ETV1: variants seen among roughly 807,000 people sequenced by gnomAD.
ETV1 encodes ETS variant transcription factor 1, also known as ETS translocation variant 1.
ETV1 carries 27 observed loss-of-function variants against 62.3 expected under a neutral mutation model. The observed-to-expected ratio is 0.43, with a 90% CI of 0.32 to 0.60. The LOEUF (loss-of-function observed/expected upper bound fraction) is 0.60, where lower values mean the gene tolerates loss of function less well. ETV1 is among the 20% of genes least tolerant of loss of function. ETV1 has a pLI of 0.06. For synonymous variants in ETV1, 222 were observed against 199.6 expected (o/e 1.11, Z -0.94); for missense variants, 605 against 605.8 (o/e 1.00, Z 0.01).
intron 8 of ETV1, among the ~76,000 whole-genome samples, chr7:13,932,589 A>T (rs1347543724): frequency 6.6e-6 from 1 of 152,216 alleles, no homozygotes; most frequent in Non-Finnish European, 1.5e-5. Context: ...AATGAGTCCT[A>T]TGCCTCTTTG....
chr7:13,975,579 AG>A lies in ETV1; in HGVS notation c.235+1847del, dbSNP rs759451664. On this transcript the variant is annotated intron_variant, in intron 6 of 13. Transcript: ENST00000430479. Reference sequence around the variant, plus strand: ...CTCTGTCTCAAAAAAAAAAAAAAAAAGAAAAGAAAAGAAAAAAAAAAAGGAA... The same window carrying A: ...CTCTGTCTCAAAAAAAAAAAAAAAAAAAAAGAAAAGAAAAAAAAAAAGGAA... 8.1e-3 allele frequency among the ~76,000 whole-genome samples: 983 copies of A among 120,956 alleles called. 14 individuals carry two copies. The highest frequency in any genetic ancestry group is 0.027 in the African/African-American group (931 of 33,982). The allele number at this position is 120,956 out of a possible 152,430, so 79.4% of individuals were successfully genotyped here.
intron 5 of ETV1, among the ~76,000 whole-genome samples, chr7:13,978,895 T>C (rs1353489353): frequency 1.3e-5 from 2 of 152,062 alleles, no homozygotes; most frequent in Non-Finnish European, 2.9e-5. Flanking sequence ...TTCAACTGTT[T>C]TCTAACAACT....
Position 13,931,494 on chromosome 7 carries a change from A to C in ETV1, c.802+8T>G. On this transcript the variant is annotated splice_region_variant and intron_variant, in intron 9 of 13. Coordinates refer to ENST00000430479, the MANE Select transcript of ETV1 (RefSeq NM_004956.5). ...CTTGAATGTAATTTGCGCAGAGCGCAGGCCTACCTGAGTCATATGCAAAAT... is the reference window on the plus strand; with the variant it reads ...CTTGAATGTAATTTGCGCAGAGCGCCGGCCTACCTGAGTCATATGCAAAAT... 5 of 1,613,922 alleles carry C rather than the reference A, an allele frequency of 3.1e-6. No homozygotes were observed. The highest frequency in any genetic ancestry group is 4.2e-6 in the Non-Finnish European group (5 of 1,179,830).
intron 6 of ETV1, among the ~76,000 whole-genome samples, chr7:13,953,634 G>A (rs1328258495): frequency 1.3e-5 from 2 of 150,844 alleles, no homozygotes; most frequent in South Asian, 2.1e-4. Flanking sequence ...TGGCTACTGA[G>A]TGACTATGAA....
rs761408411 is a variant in ETV1, at chr7:13,893,730, A to C, written c.*2136T>G. ...TCTCCTTCAATTTCACCAAATCTCA[A>C]TTATATATCTCAATTCCTTTTTCCA... On this transcript the variant is annotated 3_prime_UTR_variant, in exon 14 of 14. Coordinates refer to ENST00000430479, the MANE Select transcript of ETV1 (RefSeq NM_004956.5). 3.9e-5 allele frequency: 9 copies of C among 232,766 alleles called. No homozygotes were observed. Among genetic ancestry groups the C allele is most frequent in the Admixed American group, 1.1e-4 (2 of 17,770 alleles). The allele number at this position is 232,766 out of a possible 1,614,324, so 14.4% of individuals were successfully genotyped here.
chr7:13,986,573 C>A, intron 5 of ETV1, 65 bp downstream of exon 5: 2 of 1,603,738 alleles, frequency 1.2e-6, no homozygotes, highest in South Asian at 1.1e-5. Flanking sequence ...ACAGCAAGTT[C>A]AGGACTTCTT....
At chr7:13,940,988 T>C (rs1459006836) in intron 6 of ETV1, among the ~76,000 whole-genome samples, 1 of 152,210 alleles carries the variant, frequency 6.6e-6, no homozygotes, top group Non-Finnish European at 1.5e-5. Context: ...TTACCCTTGG[T>C]ACACTATTTC....
At chr7:13,901,899 G>T (rs1782473748) in intron 12 of ETV1, among the ~76,000 whole-genome samples, 1 of 152,058 alleles carries the variant, frequency 6.6e-6, no homozygotes. Context: ...ATGTGGCTTT[G>T]GAGGAGCAAT....
At chr7:13,931,861 A>G in intron 8 of ETV1, 112 bp from the exon 9 acceptor site, 1 of 1,285,132 alleles carries the variant, frequency 7.8e-7, no homozygotes, top group South Asian at 1.5e-5. Flanking sequence ...GCTGACCTGA[A>G]GCGTAAATCT....
intron 5 of ETV1, among the ~76,000 whole-genome samples, chr7:13,984,053 CAAA>C (rs2128509637): frequency 6.6e-6 from 1 of 151,814 alleles, no homozygotes; most frequent in East Asian, 1.9e-4. Context: ...TATCATTTCA[CAAA>C]TATTTGAGGA....
intron 6 of ETV1, among the ~76,000 whole-genome samples, chr7:13,941,817 C>T (rs146113436): frequency 1.4e-3 from 208 of 151,544 alleles, no homozygotes; most frequent in African/African-American, 4.7e-3. Flanking sequence ...TTGCCGAGAT[C>T]GCGGCAGTGC....
chr7:13,917,505 C>G (rs962194800), intron 9 of ETV1, among the ~76,000 whole-genome samples: 25 of 151,828 alleles, frequency 1.6e-4, no homozygotes, highest in African/African-American at 5.3e-4. Flanking sequence ...TTAGTAGAGA[C>G]AGGGTTTCAC....
Position 13,894,272 on chromosome 7 carries a change from G to A in ETV1, c.*1594C>T, listed in dbSNP as rs1781588145. The A allele has an allele frequency of 4.3e-6, 1 of 231,930 alleles. No homozygotes were observed. The highest frequency in any genetic ancestry group is 1.8e-4 in the South Asian group (1 of 5,510). 14.4% of individuals were successfully genotyped at this position (231,930 alleles called of 1,614,324 possible). On this transcript the variant is annotated 3_prime_UTR_variant, in exon 14 of 14. Transcript: ENST00000430479. Reference sequence around the variant, plus strand: ...CTTGAATCTTTTAGCGAGCTATTCAGAGATTCTATATCCCCATTTACTCAT... The same window carrying A: ...CTTGAATCTTTTAGCGAGCTATTCAAAGATTCTATATCCCCATTTACTCAT...
chr7:13,902,248 A>C (rs1289166791), intron 12 of ETV1, among the ~76,000 whole-genome samples: 2 of 152,012 alleles, frequency 1.3e-5, no homozygotes, highest in Non-Finnish European at 2.9e-5. Context: ...TCTTTGCTTT[A>C]TTAGTAATAA....
At chr7:13,979,186 T>C (rs994896444) in intron 5 of ETV1, among the ~76,000 whole-genome samples, 2 of 152,062 alleles carry the variant, frequency 1.3e-5, no homozygotes, top group Non-Finnish European at 2.9e-5. Context: ...ACTTATCAGT[T>C]TACTAGTGAA....
At chr7:13,955,899 A>T (rs7804410) in intron 6 of ETV1, among the ~76,000 whole-genome samples, 15,383 of 152,158 alleles carry the variant, frequency 0.1, 822 homozygotes, top group African/African-American at 0.14. Context: ...TCTGAATCAC[A>T]AATGAACCAA....
rs920306901 is a variant in ETV1 at position 13,940,925 on chromosome 7, G to A, written c.236-1679C>T. Reference sequence around the variant, plus strand: ...TCTAGAAAACAAATTTGCCAAATACGCACATTTTACTTAAGTGATCTAAGA... The same window carrying A: ...TCTAGAAAACAAATTTGCCAAATACACACATTTTACTTAAGTGATCTAAGA... On this transcript the variant is annotated intron_variant, in intron 6 of 13. Transcript: ENST00000430479. 3.9e-5 allele frequency among the ~76,000 whole-genome samples: 6 copies of A among 152,108 alleles called. No homozygotes were observed. The South Asian group carries it at 6.2e-4, about 16-fold the overall frequency.
At chr7:13,912,162 G>T (rs1783629757) in intron 9 of ETV1, among the ~76,000 whole-genome samples, 1 of 152,166 alleles carries the variant, frequency 6.6e-6, no homozygotes, top group Non-Finnish European at 1.5e-5. Context: ...GACTCTGGAG[G>T]CAGCCAGAGG....
At chr7:13,966,876 T>A (rs1426676575) in intron 6 of ETV1, among the ~76,000 whole-genome samples, 5 of 152,186 alleles carry the variant, frequency 3.3e-5, no homozygotes, top group Non-Finnish European at 5.9e-5. Context: ...CTGACTTTTT[T>A]CACCACTGTA....
Sources: gnomAD v4.1 joint callset for allele counts (sites outside exome capture counted in the v4.1 genomes callset) on GRCh38, gnomAD v4.1.1 for gene constraint, MANE v1.5 for transcripts, NCBI Gene and HGNC (gene_info 2026-07-23, HGNC 2026-07-21) for gene names.